Variants in PGRMC2 observed in about 807,000 individuals in gnomAD.
PGRMC2 encodes membrane-associated progesterone receptor component 2.
A neutral mutation model predicts 19.3 loss-of-function variants in PGRMC2; 9 were observed. The ratio of observed to expected loss-of-function variants is 0.47; its 90% CI spans 0.28 to 0.81. The LOEUF (loss-of-function observed/expected upper bound fraction) is 0.81. Among genes scored for constraint, PGRMC2 ranks in the 40% least tolerant of loss-of-function variants. The probability of loss-of-function intolerance (pLI) is 0.11; values close to 1 mark genes in which losing one functional copy is unlikely to be tolerated. For synonymous variants in PGRMC2, 157 were observed against 124.6 expected, an observed-to-expected ratio of 1.26 and a Z score of -1.73; for missense variants, 289 against 297.3, an observed-to-expected ratio of 0.97 and a Z score of 0.21.
chr4:128,287,276 G>A, intron 1 of PGRMC2, 97 bp downstream of exon 1: 1 of 1,393,886 alleles, frequency 7.2e-7, no homozygotes, highest in Non-Finnish European at 9.6e-7. Context: ...AGACGAGAAG[G>A]CTGGGCAAAC....
chr4:128,287,242 G>A (rs1172555751), intron 1 of PGRMC2, 131 bp downstream of exon 1: 1 of 1,056,394 alleles, frequency 9.5e-7, no homozygotes, highest in East Asian at 2.8e-5. Context: ...CCCAGGTGCG[G>A]CGGCCGAGGC....
At chr4:128,275,165 A>G (rs1760788749) in intron 1 of PGRMC2, among the ~76,000 whole-genome samples, 1 of 152,356 alleles carries the variant, frequency 6.6e-6, no homozygotes, top group Non-Finnish European at 1.5e-5. Context: ...ATTAACAAAA[A>G]AGCTCTACTT....
rs375028791 is a variant in PGRMC2 at position 128,271,466 on chromosome 4, C to T, written c.575-53G>A. Reference sequence around the variant, plus strand: ...TGGTGATCAAATTTGTTTCACTATTCCATTATACAGAGAAAAGGCATTTGT... The same window carrying T: ...TGGTGATCAAATTTGTTTCACTATTTCATTATACAGAGAAAAGGCATTTGT... On this transcript the variant is annotated intron_variant, in intron 2 of 2. Transcript: ENST00000296425. 5.5e-5 allele frequency: 48 copies of T among 872,564 alleles called. 1 individual carries two copies. The East Asian group carries it at 9.5e-4, about 17-fold the overall frequency. 54.1% of individuals were successfully genotyped at this position (872,564 alleles called of 1,614,324 possible).
Position 128,287,583 on chromosome 4 carries a change from G to C in PGRMC2, c.208C>G (p.Arg70Gly). 4 of 933,538 alleles carry C rather than the reference G, an allele frequency of 4.3e-6. No homozygotes were observed. The highest frequency in any genetic ancestry group is 5.5e-6 in the Non-Finnish European group (4 of 721,136). The allele number at this position is 933,538 out of a possible 1,614,324, so 57.8% of individuals were successfully genotyped here. A position where few individuals can be genotyped will look rare whatever the true frequency, so the allele number is the denominator to read the frequency against. The change falls in exon 1 of 3, where the codon CGG becomes GGG. Residue 70 changes from arginine to glycine, a missense_variant. Physicochemically the swap from Arg to Gly is moderately radical, Grantham distance 125. Transcript: ENST00000296425. ...CGCCGCCCCCAGCGCACCCACAGCC[G>C]GTAGGCCCCCAGCAGCACCAGAGCC... The part of the protein sequence containing the change: ...LVALVLLGAY[R>G]LWVRWGRRGL...
At position 128,270,642 on chromosome 4, in the gene PGRMC2, G is replaced by A. The variant is rs913468175; in HGVS notation, c.*674C>T. 1.3e-5 allele frequency: 2 copies of A among 152,610 alleles called. No individual in the cohort carries two copies. Among genetic ancestry groups the A allele is most frequent in the East Asian group, 1.9e-4 (1 of 5,192 alleles). 9.5% of individuals were successfully genotyped at this position (152,610 alleles called of 1,614,324 possible). A position where few individuals can be genotyped will look rare whatever the true frequency, so the allele number is the denominator to read the frequency against. The stretch of plus-strand genomic sequence containing the variant: ...TTTAGGGAAAGGGAAGGAAAGAGAA[G>A]GGATAAAAACTGGTTTCAAATGATC... On this transcript the variant is annotated 3_prime_UTR_variant, in exon 3 of 3. Transcript: ENST00000296425.
At chr4:128,285,941 T>C (rs1323097434) in intron 1 of PGRMC2, among the ~76,000 whole-genome samples, 1 of 151,912 alleles carries the variant, frequency 6.6e-6, no homozygotes, top group African/African-American at 2.4e-5. Flanking sequence ...AATGTGTATA[T>C]ATACACAGAA....
intron 1 of PGRMC2, 102 bp from the exon 2 acceptor site, chr4:128,272,619 A>C: frequency 1.4e-6 from 1 of 693,796 alleles, no homozygotes; most frequent in Non-Finnish European, 2.1e-6. Context: ...CAAAGAAAAA[A>C]ACCCCTCATA....
chr4:128,283,844 A>G (rs1390108693), intron 1 of PGRMC2, among the ~76,000 whole-genome samples: 1 of 152,078 alleles, frequency 6.6e-6, no homozygotes, highest in African/African-American at 2.4e-5. Flanking sequence ...GTATTTTTGT[A>G]GAAACAGGGT....
intron 2 of PGRMC2, 106 bp from the exon 3 acceptor site, chr4:128,271,519 T>C: frequency 1.7e-6 from 1 of 573,986 alleles, no homozygotes; most frequent in South Asian, 2.6e-5. Flanking sequence ...AAAATATGAT[T>C]ATTAGAATAT....
chr4:128,286,713 T>A, intron 1 of PGRMC2: 1 of 398,548 alleles, frequency 2.5e-6, no homozygotes, highest in Non-Finnish European at 4.4e-6. Flanking sequence ...TCATCCCACA[T>A]ACCTTGTTAA....
At chr4:128,286,890 A>G (rs1406816777) in intron 1 of PGRMC2, 17 of 393,578 alleles carry the variant, frequency 4.3e-5, no homozygotes, top group Non-Finnish European at 6.3e-5. Context: ...AAAAAAAAAA[A>G]AAAGGGGGCA....
rs201899174 is a variant in PGRMC2 at position 128,283,819 on chromosome 4, A to G, written c.418+3554T>C. 7.2e-5 allele frequency among the ~76,000 whole-genome samples: 11 copies of G among 151,852 alleles called. 1 individual carries two copies. The East Asian group carries it at 2.1e-3, about 29-fold the overall frequency. On this transcript the variant is annotated intron_variant, in intron 1 of 2. Coordinates refer to ENST00000296425, the MANE Select transcript of PGRMC2 (RefSeq NM_006320.6). ...ATTACAGGCACCCACCATCAAGCTCAGCTAATTTTTTTTTGTATTTTTGTA... is the reference window on the plus strand; with the variant it reads ...ATTACAGGCACCCACCATCAAGCTCGGCTAATTTTTTTTTGTATTTTTGTA...
chr4:128,274,661 T>C lies in PGRMC2; in HGVS notation c.419-2144A>G, dbSNP rs137930220. Among the ~76,000 whole-genome samples the C allele has an allele frequency of 1.1e-4, 17 of 152,164 alleles. No individual in the cohort carries two copies. The East Asian group carries it at 3.3e-3, about 29-fold the overall frequency. ...GACAGAGACAGAGAACTAGTGTGTT[T>C]AAAAATAAAAATTTCTAAGAAACAA... is the stretch of plus-strand genomic sequence containing the variant. On this transcript the variant is annotated intron_variant, in intron 1 of 2. Coordinates refer to ENST00000296425, the MANE Select transcript of PGRMC2 (RefSeq NM_006320.6).
intron 1 of PGRMC2, among the ~76,000 whole-genome samples, chr4:128,283,982 T>A (rs576769126): frequency 2.9e-4 from 44 of 151,028 alleles, no homozygotes; most frequent in African/African-American, 8.5e-4. Context: ...TTTTTATTTT[T>A]TTTTTTTTAG....
chr4:128,274,035 AT>A (rs1168433219), intron 1 of PGRMC2, among the ~76,000 whole-genome samples: 7 of 152,176 alleles, frequency 4.6e-5, no homozygotes, highest in Admixed American at 2.0e-4. Context: ...ATCAACAATT[AT>A]TTATCATTGA....
In PGRMC2 at chr4:128,269,449, T is replaced by A. The variant is rs1760692303; in HGVS notation, c.*1867A>T. The stretch of plus-strand genomic sequence containing the variant: ...GGACATGTACTTTTAACATTTTTTG[T>A]TTAGAAAATATTTTACATAAAAACA... On this transcript the variant is annotated 3_prime_UTR_variant, in exon 3 of 3. Transcript: ENST00000296425. The A allele has an allele frequency of 6.6e-6, 1 of 152,186 alleles. No individual in the cohort carries two copies. Among genetic ancestry groups the A allele is most frequent in the East Asian group, 1.9e-4 (1 of 5,194 alleles). The allele number at this position is 152,186 out of a possible 1,614,324, so 9.4% of individuals were successfully genotyped here.
At chr4:128,271,775 G>A (rs1760733993) in intron 2 of PGRMC2, among the ~76,000 whole-genome samples, 1 of 152,180 alleles carries the variant, frequency 6.6e-6, no homozygotes, top group South Asian at 2.1e-4. Flanking sequence ...AGGGACCCAG[G>A]GGTCAGATAA....
intron 1 of PGRMC2, among the ~76,000 whole-genome samples, chr4:128,277,815 C>G (rs1353085858): frequency 1.3e-5 from 2 of 152,264 alleles, no homozygotes; most frequent in African/African-American, 4.8e-5. Flanking sequence ...TAATACCTCT[C>G]AAGAAGACAG....
At chr4:128,272,125 T>C (rs1355361069) in intron 2 of PGRMC2, among the ~76,000 whole-genome samples, 1 of 152,140 alleles carries the variant, frequency 6.6e-6, no homozygotes, top group Non-Finnish European at 1.5e-5. Context: ...TTTGGACAAG[T>C]CTCACTATGT....
Sources: gnomAD v4.1 joint callset for allele counts (sites outside exome capture counted in the v4.1 genomes callset) on GRCh38, gnomAD v4.1.1 for gene constraint, MANE v1.5 for transcripts, NCBI Gene and HGNC (gene_info 2026-07-23, HGNC 2026-07-21) for gene names.